PCDHGB3: variants seen among roughly 807,000 people sequenced by gnomAD.
The protein encoded by PCDHGB3 is protocadherin gamma-B3.
In PCDHGB3, 40 loss-of-function variants were observed where a neutral mutation model predicts 59.2. The ratio of observed to expected loss-of-function variants is 0.68; its 90% CI spans 0.52 to 0.88. The LOEUF (loss-of-function observed/expected upper bound fraction) is 0.88, where lower values mean the gene tolerates loss of function less well. Ranked by LOEUF, PCDHGB3 falls within the 40% of genes least tolerant of loss-of-function variation. The pLI, the probability that PCDHGB3 is intolerant of heterozygous loss-of-function variation, is 0.00. For missense variants in PCDHGB3, 1,309 were observed against 1,187.9 expected, an observed-to-expected ratio of 1.10 and a Z score of -1.50; for synonymous variants, 581 against 503.6, an observed-to-expected ratio of 1.15 and a Z score of -2.06.
At position 141,489,562 on chromosome 5, in the gene PCDHGB3, G is replaced by A. The variant is rs770734883; in HGVS notation, c.2416-5245G>A. ...CACCAGCTGCCTGCTGCCAGTGCAG[G>A]TGGTGACTGAACACCCCCTGGAGCT... On this transcript the variant is annotated intron_variant, in intron 1 of 3. Coordinates refer to ENST00000576222, the MANE Select transcript of PCDHGB3 (RefSeq NM_018924.5). The surrounding 1 kb of genome is among the most constrained non-coding windows in gnomAD (Gnocchi z 4.5). 2 of 1,614,114 alleles carry A rather than the reference G, an allele frequency of 1.2e-6. No homozygotes were observed. Among genetic ancestry groups the A allele is most frequent in the Non-Finnish European group, 1.7e-6 (2 of 1,180,028 alleles).
rs1170751793 is a variant in PCDHGB3 at position 141,372,112 on chromosome 5, C to A, written c.1718C>A (p.Ala573Glu). ...CCAGCTCTGGGGCCCGAAGGCTCTG[C>A]GCTCTTCGATATGGTGCCGCGCTCT... The part of the protein sequence containing the change: ...LYPALGPEGS[A>E]LFDMVPRSAE... The change falls in exon 1 of 4, where the codon GCG (alanine) becomes GAG (glutamate). Residue 573 changes from alanine to glutamate, a missense_variant. By Grantham distance (107) the Ala-to-Glu change is moderately radical. Coordinates refer to ENST00000576222, the MANE Select transcript of PCDHGB3 (RefSeq NM_018924.5). 7 of 1,613,708 alleles carry A rather than the reference C, an allele frequency of 4.3e-6. No homozygotes were observed. The highest frequency in any genetic ancestry group is 1.1e-5 in the South Asian group (1 of 91,082).
chr5:141,445,276 C>T (rs761058385), intron 1 of PCDHGB3, among the ~76,000 whole-genome samples: 1 of 152,218 alleles, frequency 6.6e-6, no homozygotes, highest in Non-Finnish European at 1.5e-5. Flanking sequence ...AACCACTCTG[C>T]ATAAGTTCAG....
chr5:141,509,513 T>C (rs2099877131), intron 3 of PCDHGB3, among the ~76,000 whole-genome samples: 2 of 152,068 alleles, frequency 1.3e-5, no homozygotes, highest in Non-Finnish European at 2.9e-5. Flanking sequence ...ACGGTGTTGA[T>C]GATGTATTGC....
rs200524415 is a variant in PCDHGB3, at chr5:141,487,436, G to C, written c.2416-7371G>C. 1 of 1,614,176 alleles carries C rather than the reference G, an allele frequency of 6.2e-7. No individual in the cohort carries two copies. Among genetic ancestry groups the C allele is most frequent in the East Asian group, 2.2e-5 (1 of 44,870 alleles). ...CAATGGGATCCTCCGAATCCAGCTAGGGTCAGATGACCCTATCAAGTTTGT... is the reference window on the plus strand; with the variant it reads ...CAATGGGATCCTCCGAATCCAGCTACGGTCAGATGACCCTATCAAGTTTGT... On this transcript the variant is annotated intron_variant, in intron 1 of 3. Coordinates refer to ENST00000576222, the MANE Select transcript of PCDHGB3 (RefSeq NM_018924.5). This position sits in a 1 kb window ranked among gnomAD's most constrained non-coding sequence, Gnocchi z 5.0.
intron 1 of PCDHGB3, chr5:141,389,438 C>A (rs781427097): frequency 6.2e-7 from 1 of 1,610,474 alleles, no homozygotes; most frequent in Non-Finnish European, 8.5e-7. Context: ...AGCGCGCCTT[C>A]GACCACGAGC....
rs766746841 is a variant in PCDHGB3 at position 141,374,327 on chromosome 5, G to A, written c.2415+1518G>A. 1.2e-5 allele frequency: 20 copies of A among 1,613,866 alleles called. No individual in the cohort carries two copies. In the East Asian group the frequency reaches 4.0e-4, roughly 32 times the overall value. ...GCTTTTCTCTCTGAATCCGCGAAAC[G>A]GCAGCTTGGTCACCGCGGGTAGGAT... is the stretch of plus-strand genomic sequence containing the variant. On this transcript the variant is annotated intron_variant, in intron 1 of 3. Coordinates refer to ENST00000576222, the MANE Select transcript of PCDHGB3 (RefSeq NM_018924.5).
At position 141,450,754 on chromosome 5, in the gene PCDHGB3, C is replaced by T. The variant is rs192088793; in HGVS notation, c.2416-44053C>T. Among the ~76,000 whole-genome samples, 54 of 151,098 alleles carry T rather than the reference C, an allele frequency of 3.6e-4. 1 individual carries two copies. Among genetic ancestry groups the T allele is most frequent in the African/African-American group, 1.1e-3 (47 of 41,192 alleles). ...CGCCCGCCTTGGCCTCCCAAAGTGC[C>T]GGGATTACAGGCATGAGCCACCGTG... On this transcript the variant is annotated intron_variant, in intron 1 of 3. Transcript: ENST00000576222.
intron 1 of PCDHGB3, among the ~76,000 whole-genome samples, chr5:141,456,887 C>T (rs112521083): frequency 0.042 from 6,384 of 152,090 alleles, 167 homozygotes; most frequent in Middle Eastern, 0.088. Flanking sequence ...CGCTTGAACC[C>T]GGGAGGCAGA....
At chr5:141,417,854 C>G in intron 1 of PCDHGB3, 2 of 1,543,902 alleles carry the variant, frequency 1.3e-6, no homozygotes, top group Non-Finnish European at 1.8e-6. Flanking sequence ...AGAACCCGAG[C>G]GAACGATGGG....
intron 1 of PCDHGB3, chr5:141,408,968 C>T (rs752629281): frequency 6.2e-7 from 1 of 1,613,702 alleles, no homozygotes; most frequent in Non-Finnish European, 8.5e-7. Context: ...TGAAAATCTG[C>T]CCCCTGGGTC....
chr5:141,415,167 C>T (rs769256903), intron 1 of PCDHGB3: 3 of 1,613,894 alleles, frequency 1.9e-6, no homozygotes, highest in Admixed American at 3.3e-5. Flanking sequence ...CTGTCACGCT[C>T]ACCGTGGCCG....
chr5:141,406,532 G>A (rs58503510), intron 1 of PCDHGB3, among the ~76,000 whole-genome samples: 16,962 of 152,088 alleles, frequency 0.11, 1,106 homozygotes, highest in African/African-American at 0.18. Context: ...ATTTTCTGAC[G>A]AAGATTCAAA....
Position 141,476,239 on chromosome 5 carries a change from A to T in PCDHGB3, c.2416-18568A>T. ...TTCACTATGAGATCCCGGAGGAAAG[A>T]GAGAAGGGTTTCGCTGTGGGCAACG... is the stretch of plus-strand genomic sequence containing the variant. On this transcript the variant is annotated intron_variant, in intron 1 of 3. Coordinates refer to ENST00000576222, the MANE Select transcript of PCDHGB3 (RefSeq NM_018924.5). This position sits in a 1 kb window ranked among gnomAD's most constrained non-coding sequence, Gnocchi z 7.6. 1 of 1,613,826 alleles carries T rather than the reference A, an allele frequency of 6.2e-7. No homozygotes were observed. Among genetic ancestry groups the T allele is most frequent in the Non-Finnish European group, 8.5e-7 (1 of 1,179,996 alleles).
chr5:141,427,983 C>G, intron 1 of PCDHGB3: 2 of 1,596,840 alleles, frequency 1.3e-6, no homozygotes, highest in South Asian at 2.2e-5. Context: ...CGCGCTGGGG[C>G]CCGATGGCTC....
At chr5:141,374,589 G>T (rs1385892757) in intron 1 of PCDHGB3, 1 of 1,613,558 alleles carries the variant, frequency 6.2e-7, no homozygotes, top group Admixed American at 1.7e-5. Context: ...TCCCTTCAGG[G>T]ATTTAAGCTC....
chr5:141,393,905 A>G, intron 1 of PCDHGB3: 1 of 1,614,030 alleles, frequency 6.2e-7, no homozygotes, highest in Non-Finnish European at 8.5e-7. Flanking sequence ...TTCCCGGGAC[A>G]GTAATTGCCT....
chr5:141,417,663 C>T (rs2096144136), intron 1 of PCDHGB3: 8 of 901,900 alleles, frequency 8.9e-6, no homozygotes, highest in Non-Finnish European at 1.3e-5. Flanking sequence ...CCTGGGATTC[C>T]CTGCGCAGCC....
intron 1 of PCDHGB3, among the ~76,000 whole-genome samples, chr5:141,484,211 G>A (rs1362875959): frequency 6.6e-6 from 1 of 152,158 alleles, no homozygotes; most frequent in Non-Finnish European, 1.5e-5. Context: ...ATGAACATTA[G>A]CATTCTGCCA....
Position 141,487,548 on chromosome 5 carries a change from G to T in PCDHGB3, c.2416-7259G>T. The T allele has an allele frequency of 6.2e-7, 1 of 1,614,190 alleles. No homozygotes were observed. Among genetic ancestry groups the T allele is most frequent in the Non-Finnish European group, 8.5e-7 (1 of 1,180,038 alleles). ...AGCTTCATGATGGTGAAGTCACCCA[G>T]TGCACCTATGGCAGGGGAGCCTGTT... is the stretch of plus-strand genomic sequence containing the variant. On this transcript the variant is annotated intron_variant, in intron 1 of 3. Coordinates refer to ENST00000576222, the MANE Select transcript of PCDHGB3 (RefSeq NM_018924.5). The surrounding 1 kb of genome is among the most constrained non-coding windows in gnomAD (Gnocchi z 5.0).
Sources: allele counts gnomAD v4.1 joint callset (sites outside exome capture counted in the v4.1 genomes callset), GRCh38; gene constraint gnomAD v4.1.1; non-coding constraint Gnocchi (gnomAD v3.1); transcripts MANE v1.5; gene names NCBI Gene and HGNC (gene_info 2026-07-23, HGNC 2026-07-21).